PHGDH: variants seen among roughly 807,000 people sequenced by gnomAD.
PHGDH encodes D-3-phosphoglycerate dehydrogenase.
In PHGDH, 50 loss-of-function variants were observed where a neutral mutation model predicts 52.6. The ratio of observed to expected loss-of-function variants is 0.95; its 90% confidence interval spans 0.76 to 1.20. PHGDH has a LOEUF of 1.20. Ranked by LOEUF, PHGDH falls within the 50% of genes most tolerant of loss-of-function variation. The probability of loss-of-function intolerance (pLI) is 0.00; values close to 1 mark genes in which losing one functional copy is unlikely to be tolerated. For missense variants in PHGDH, 630 were observed against 684.6 expected (o/e 0.92, Z 0.89); for synonymous variants, 271 against 280.5 (o/e 0.97, Z 0.34).
chr1:119,742,429 G>A (rs587767156), intron 10 of PHGDH: 1 of 427,242 alleles, frequency 2.3e-6, no homozygotes, highest in African/African-American at 2.0e-5. Flanking sequence ...TCACCCCTCT[G>A]CTCCCCTCCA....
At chr1:119,735,518 T>C (rs960662373) in intron 7 of PHGDH, 75 bp downstream of exon 7, 2 of 1,458,686 alleles carry the variant, frequency 1.4e-6, no homozygotes, top group Non-Finnish European at 1.9e-6. Context: ...AGGGAAAGCC[T>C]GGCGTTTTAC....
intron 10 of PHGDH, 31 bp downstream of exon 10, chr1:119,741,928 A>T: frequency 6.3e-7 from 1 of 1,588,426 alleles, no homozygotes; most frequent in Non-Finnish European, 8.6e-7. Flanking sequence ...CTGCCTCCCC[A>T]TCCCTGTCAG....
rs587700123 is a variant in PHGDH, at chr1:119,735,224, C to G, written c.644-71C>G. 1.1e-4 allele frequency: 173 copies of G among 1,600,548 alleles called. 1 individual carries two copies. In the African/African-American group the frequency reaches 2.3e-3, roughly 21 times the overall value. ...GAGCTGGCTCAAGGAAAGGGAAGAC[C>G]TCTGGAAGCCAGGGATGAGCGTGGG... On this transcript the variant is annotated intron_variant, in intron 6 of 11. Coordinates refer to ENST00000641023, the MANE Select transcript of PHGDH (RefSeq NM_006623.4).
At chr1:119,732,313 C>T (rs1651730417) in intron 5 of PHGDH, among the ~76,000 whole-genome samples, 1 of 152,238 alleles carries the variant, frequency 6.6e-6, no homozygotes, top group Non-Finnish European at 1.5e-5. Flanking sequence ...GTGAGGCTTC[C>T]TCTGTTGCCT....
At chr1:119,716,759 T>C (rs1011121509) in intron 1 of PHGDH, among the ~76,000 whole-genome samples, 1 of 152,174 alleles carries the variant, frequency 6.6e-6, no homozygotes, top group Non-Finnish European at 1.5e-5. Context: ...TTCCTCAGTG[T>C]GTTACCAATT....
chr1:119,743,810 T>C (rs1652319296), intron 11 of PHGDH, 76 bp from the exon 12 acceptor site: 1 of 1,146,592 alleles, frequency 8.7e-7, no homozygotes, highest in Non-Finnish European at 1.3e-6. Context: ...AGCTTTGAAC[T>C]TCTGATTCTG....
chr1:119,723,745 C>A lies in PHGDH; in HGVS notation c.356+304C>A, dbSNP rs587698127. 8.6e-5 allele frequency among the ~76,000 whole-genome samples: 13 copies of A among 151,720 alleles called. No homozygotes were observed. The East Asian group carries it at 2.6e-3, about 31-fold the overall frequency. ...TGCAAATGTTCTCCATACCCTGCTG[C>A]CTGGAGATAACAAGGAAGGATGTTC... is the stretch of plus-strand genomic sequence containing the variant. On this transcript the variant is annotated intron_variant, in intron 3 of 11. Transcript: ENST00000641023.
chr1:119,713,658 G>A (rs1328242042), intron 1 of PHGDH, among the ~76,000 whole-genome samples: 1 of 152,174 alleles, frequency 6.6e-6, no homozygotes, highest in Admixed American at 6.5e-5. Context: ...ACGGGTGGCA[G>A]GCTCCTCACA....
At chr1:119,738,213 G>C (rs1459866166) in intron 8 of PHGDH, among the ~76,000 whole-genome samples, 1 of 152,174 alleles carries the variant, frequency 6.6e-6, no homozygotes, top group Non-Finnish European at 1.5e-5. Flanking sequence ...GGGTGTTCTT[G>C]GTTGTCCTGG....
chr1:119,734,342 C>T (rs989476853), intron 5 of PHGDH: 14 of 409,344 alleles, frequency 3.4e-5, no homozygotes, highest in African/African-American at 2.7e-4. Context: ...CTGTGCCCCT[C>T]CTCATTGTGG....
chr1:119,726,941 A>T, intron 4 of PHGDH, 36 bp downstream of exon 4: 1 of 1,609,956 alleles, frequency 6.2e-7, no homozygotes. Context: ...ACCTGGGCTC[A>T]GGGCCCGGGG....
intron 1 of PHGDH, 125 bp downstream of exon 1, chr1:119,712,285 AT>A: frequency 1.3e-6 from 1 of 796,120 alleles, no homozygotes; most frequent in East Asian, 2.9e-5. Flanking sequence ...GCCTCCTGAG[AT>A]TGGGGGGTAG....
At chr1:119,734,406 T>C in intron 5 of PHGDH, 1 of 541,752 alleles carries the variant, frequency 1.8e-6, no homozygotes, top group Non-Finnish European at 3.4e-6. Context: ...AGCATCATTG[T>C]GTGGTCATGA....
At chr1:119,714,778 C>T (rs902229555) in intron 1 of PHGDH, among the ~76,000 whole-genome samples, 10 of 152,142 alleles carry the variant, frequency 6.6e-5, no homozygotes, top group African/African-American at 2.4e-4. Flanking sequence ...GGGTGGAGGG[C>T]TGAGGCCCTG....
intron 5 of PHGDH, among the ~76,000 whole-genome samples, chr1:119,728,721 C>A (rs1446237143): frequency 6.6e-6 from 1 of 152,130 alleles, no homozygotes; most frequent in East Asian, 1.9e-4. Flanking sequence ...AAGAGATGAA[C>A]CCACTAAGGC....
chr1:119,725,917 G>A (rs1353082571), intron 3 of PHGDH, among the ~76,000 whole-genome samples: 1 of 152,106 alleles, frequency 6.6e-6, no homozygotes, highest in Non-Finnish European at 1.5e-5. Flanking sequence ...GCCTCCCTCC[G>A]TGCAGCTGTG....
chr1:119,727,085 C>T lies in PHGDH; in HGVS notation c.493C>T (p.Gln165Ter). The change falls in exon 5 of 12, where the codon CAG (glutamine) becomes TAG (stop). Residue 165 changes from glutamine (Q) to a stop codon, truncating the protein, a stop_gained. Transcript: ENST00000641023. LOFTEE classifies it high-confidence loss of function. The stretch of plus-strand genomic sequence containing the variant: ...TGGGAGAGAGGTAGCTACCCGGATG[C>T]AGTCCTTTGGGATGAAGGTAAGATG... ...RIGREVATRM[Q>*]SFGMKTIGYD... The T allele has an allele frequency of 1.9e-6, 3 of 1,600,922 alleles. No homozygotes were observed. Among genetic ancestry groups the T allele is most frequent in the Non-Finnish European group, 2.6e-6 (3 of 1,167,824 alleles).
intron 10 of PHGDH, 167 bp downstream of exon 10, chr1:119,742,064 T>C: frequency 3.0e-6 from 2 of 663,020 alleles, no homozygotes; most frequent in Non-Finnish European, 5.4e-6. Flanking sequence ...ATGAAGATAC[T>C]GCCTGGCCCC....
At chr1:119,721,649 C>T (rs1230186972) in intron 2 of PHGDH, 7 of 280,784 alleles carry the variant, frequency 2.5e-5, no homozygotes, top group Non-Finnish European at 4.8e-5. Flanking sequence ...GTTCAGGAAT[C>T]GGAAGGTCAG....
Sources: allele counts gnomAD v4.1 joint callset (sites outside exome capture counted in the v4.1 genomes callset), GRCh38; gene constraint gnomAD v4.1.1; transcripts MANE v1.5; gene names NCBI Gene and HGNC (gene_info 2026-07-23, HGNC 2026-07-21).